MCTP1: variants seen among roughly 807,000 people sequenced by gnomAD.
The protein encoded by MCTP1 is multiple C2 and transmembrane domain containing 1, also known as multiple C2 and transmembrane domain-containing protein 1.
A neutral mutation model predicts 120.6 loss-of-function variants in MCTP1; 69 were observed. The ratio of observed to expected loss-of-function variants is 0.57; its 90% confidence interval spans 0.47 to 0.70. The LOEUF (loss-of-function observed/expected upper bound fraction) is 0.70. Ranked by LOEUF, MCTP1 falls within the 30% of genes least tolerant of loss-of-function variation. The probability of loss-of-function intolerance (pLI) is 0.00; values close to 1 mark genes in which losing one functional copy is unlikely to be tolerated. For synonymous variants in MCTP1, 529 were observed against 493.1 expected (o/e 1.07, Z -0.96); for missense variants, 1,203 against 1,248.8 (o/e 0.96, Z 0.55).
At chr5:94,966,728 G>A (rs1825696135) in intron 2 of MCTP1, among the ~76,000 whole-genome samples, 1 of 151,892 alleles carries the variant, frequency 6.6e-6, no homozygotes, top group African/African-American at 2.4e-5. Flanking sequence ...CTGGGAGACG[G>A]AGGTTGCAGT....
chr5:94,861,639 A>T (rs995394465), intron 17 of MCTP1, among the ~76,000 whole-genome samples: 3 of 151,844 alleles, frequency 2.0e-5, no homozygotes, highest in African/African-American at 7.2e-5. Flanking sequence ...TTGCAATGGA[A>T]TATGGCTTGC....
intron 6 of MCTP1, 47 bp from the exon 7 acceptor site, chr5:94,924,068 ATAAT>A: frequency 9.0e-7 from 1 of 1,113,290 alleles, no homozygotes; most frequent in South Asian, 1.7e-5. Context: ...GTTTTTGAGA[ATAAT>A]TAATATTGTA....
intron 2 of MCTP1, among the ~76,000 whole-genome samples, chr5:94,957,399 C>A (rs1190620189): frequency 6.6e-6 from 1 of 152,114 alleles, no homozygotes; most frequent in Non-Finnish European, 1.5e-5. Context: ...ATGACAGGAT[C>A]AAATTCACAC....
intron 17 of MCTP1, among the ~76,000 whole-genome samples, chr5:94,827,001 A>C (rs36729): frequency 0.49 from 74,001 of 151,504 alleles, 21,603 homozygotes; most frequent in Non-Finnish European, 0.68. Flanking sequence ...TGTGAATTTG[A>C]TCCTGCATTA....
At chr5:95,085,935 G>A (rs1269011077) in intron 1 of MCTP1, among the ~76,000 whole-genome samples, 1 of 151,850 alleles carries the variant, frequency 6.6e-6, no homozygotes, top group Admixed American at 6.6e-5. Context: ...GAAATATTTA[G>A]GAGGTCTTTA....
intron 1 of MCTP1, among the ~76,000 whole-genome samples, chr5:95,141,280 A>C (rs1180275276): frequency 6.6e-6 from 1 of 152,262 alleles, no homozygotes; most frequent in Non-Finnish European, 1.5e-5. Flanking sequence ...ATTTAAAAGA[A>C]TTTGATGAAG....
intron 18 of MCTP1, among the ~76,000 whole-genome samples, chr5:94,795,285 G>A (rs974073551): frequency 4.6e-5 from 7 of 152,148 alleles, no homozygotes; most frequent in African/African-American, 7.2e-5. Flanking sequence ...CAGGTCACTC[G>A]ACTTAGGAGG....
At chr5:95,012,332 T>C (rs1204412185) in intron 2 of MCTP1, among the ~76,000 whole-genome samples, 1 of 152,264 alleles carries the variant, frequency 6.6e-6, no homozygotes, top group South Asian at 2.1e-4. Context: ...TCCTGGTATA[T>C]CATTAAGTAG....
chr5:94,979,848 T>A (rs2153593381), intron 2 of MCTP1, among the ~76,000 whole-genome samples: 1 of 152,266 alleles, frequency 6.6e-6, no homozygotes, highest in African/African-American at 2.4e-5. Flanking sequence ...AAATCATTGA[T>A]ATATCGGGTT....
intron 3 of MCTP1, among the ~76,000 whole-genome samples, chr5:94,951,357 C>T (rs1820527847): frequency 6.6e-6 from 1 of 152,150 alleles, no homozygotes; most frequent in South Asian, 2.1e-4. Context: ...AAGCACCTGA[C>T]CAATATCTAA....
At chr5:94,883,000 A>G (rs1483067776) in intron 12 of MCTP1, among the ~76,000 whole-genome samples, 2 of 152,196 alleles carry the variant, frequency 1.3e-5, no homozygotes, top group African/African-American at 4.8e-5. Flanking sequence ...TTGGTTTTAG[A>G]AGAACACTTT....
chr5:95,003,387 C>T (rs1320090625), intron 2 of MCTP1, among the ~76,000 whole-genome samples: 1 of 152,138 alleles, frequency 6.6e-6, no homozygotes, highest in Non-Finnish European at 1.5e-5. Flanking sequence ...GAGCAATGGG[C>T]TATAGCATAT....
chr5:95,202,684 AC>A (rs1286593589), intron 1 of MCTP1, among the ~76,000 whole-genome samples: 1 of 152,182 alleles, frequency 6.6e-6, no homozygotes, highest in South Asian at 2.1e-4. Context: ...CTTGCTTGGC[AC>A]TTACTGAATT....
At chr5:95,245,999 A>G (rs980518685) in intron 1 of MCTP1, among the ~76,000 whole-genome samples, 15 of 147,888 alleles carry the variant, frequency 1.0e-4, no homozygotes, top group Non-Finnish European at 1.4e-4. Flanking sequence ...AAACCCTACA[A>G]GCCAGAAGAG....
chr5:95,017,340 T>C, intron 2 of MCTP1, 27 bp downstream of exon 2: 1 of 1,409,720 alleles, frequency 7.1e-7, no homozygotes, highest in Non-Finnish European at 9.9e-7. Flanking sequence ...AAAAAGCTTC[T>C]AGGTGATATT....
intron 1 of MCTP1, among the ~76,000 whole-genome samples, chr5:95,106,561 A>T (rs527548970): frequency 6.6e-6 from 1 of 152,324 alleles, no homozygotes; most frequent in East Asian, 1.9e-4. Context: ...GCTGGTTTGT[A>T]CTGGTCATTC....
chr5:95,251,874 T>C (rs947226860), intron 1 of MCTP1, among the ~76,000 whole-genome samples: 4 of 152,044 alleles, frequency 2.6e-5, no homozygotes, highest in African/African-American at 9.7e-5. Context: ...TTCAGAAACT[T>C]ACCCCAAATC....
At chr5:95,150,717 ATT>A (rs995460663) in intron 1 of MCTP1, among the ~76,000 whole-genome samples, 29 of 152,262 alleles carry the variant, frequency 1.9e-4, no homozygotes, top group Admixed American at 1.8e-3. Context: ...CTAAATTTCC[ATT>A]TCTAATGTCT....
intron 17 of MCTP1, among the ~76,000 whole-genome samples, chr5:94,811,377 G>A (rs1036120274): frequency 3.9e-5 from 6 of 152,032 alleles, no homozygotes; most frequent in Non-Finnish European, 8.8e-5. Flanking sequence ...TGTTTCAATG[G>A]TAACAGAAGT....
Sources: allele counts gnomAD v4.1 joint callset (sites outside exome capture counted in the v4.1 genomes callset), GRCh38; gene constraint gnomAD v4.1.1; transcripts MANE v1.5; gene names NCBI Gene and HGNC (gene_info 2026-07-23, HGNC 2026-07-21).